TRAPPC10: variants seen among roughly 807,000 people sequenced by gnomAD.
TRAPPC10 encodes the protein trafficking protein particle complex subunit 10, also known as TRAPP 130 kDa subunit.
In TRAPPC10, 23 loss-of-function variants were observed where a neutral mutation model predicts 125.5. The observed-to-expected ratio is 0.18, with a 90% CI of 0.13 to 0.26. TRAPPC10 has a LOEUF of 0.26. Ranked by LOEUF, TRAPPC10 falls within the 10% of genes least tolerant of loss-of-function variation. The pLI is 1.00. For synonymous variants in TRAPPC10, 509 were observed against 518.0 expected (o/e 0.98, Z 0.24); for missense variants, 1,123 against 1,308.4 (o/e 0.86, Z 2.19).
At chr21:44,075,807 T>A (rs1459096480) in intron 9 of TRAPPC10, among the ~76,000 whole-genome samples, 2 of 152,182 alleles carry the variant, frequency 1.3e-5, no homozygotes, top group Non-Finnish European at 2.9e-5. Flanking sequence ...CCCAGCACTT[T>A]GGGAGGCCGA....
At chr21:44,095,680 C>T (rs1241925755) in intron 20 of TRAPPC10, among the ~76,000 whole-genome samples, 5 of 152,092 alleles carry the variant, frequency 3.3e-5, no homozygotes, top group Admixed American at 1.3e-4. Context: ...TTATCTGCCT[C>T]AGTCTCCGGA....
intron 10 of TRAPPC10, among the ~76,000 whole-genome samples, chr21:44,077,188 A>G (rs2037352339): frequency 6.6e-6 from 1 of 152,172 alleles, no homozygotes; most frequent in Non-Finnish European, 1.5e-5. Flanking sequence ...GGTTTCTTTT[A>G]TTATTATGCT....
rs1248145410 is a variant in TRAPPC10, at chr21:44,093,982, GGCGTGT to G, written c.2998-79_2998-74del. 2.1e-6 allele frequency: 3 copies of G among 1,439,604 alleles called. No homozygotes were observed. The Admixed American group carries it at 5.9e-5, about 28-fold the overall frequency. 89.2% of individuals were successfully genotyped at this position (1,439,604 alleles called of 1,614,324 possible). The stretch of plus-strand genomic sequence containing the variant: ...GGTGTCTGCTCAGCACCCTTCGCAT[GGCGTGT>G]GTTTCGCTGCAGTGTCTGTGTCCTC... On this transcript the variant is annotated intron_variant, in intron 19 of 22. Transcript: ENST00000291574.
rs748119155 is a variant in TRAPPC10, at chr21:44,087,661, G to A, written c.2540-38G>A. ...TAAGGAAAAGGACAAGTGAAACCGAGGGAACAGCTTTGAAGTGACTTTTTC... is the reference window on the plus strand; with the variant it reads ...TAAGGAAAAGGACAAGTGAAACCGAAGGAACAGCTTTGAAGTGACTTTTTC... On this transcript the variant is annotated intron_variant, in intron 16 of 22. Coordinates refer to ENST00000291574, the MANE Select transcript of TRAPPC10 (RefSeq NM_003274.5). This position sits in a 1 kb window ranked among gnomAD's most constrained non-coding sequence, Gnocchi z 4.6. 1.0e-5 allele frequency: 16 copies of A among 1,580,136 alleles called. No homozygotes were observed. The South Asian group carries it at 1.3e-4, about 13-fold the overall frequency.
chr21:44,058,268 A>G (rs2035758742), intron 5 of TRAPPC10, among the ~76,000 whole-genome samples: 1 of 152,104 alleles, frequency 6.6e-6, no homozygotes, highest in South Asian at 2.1e-4. Flanking sequence ...GTATAGAGGA[A>G]GAGGAGGTGT....
Position 44,052,468 on chromosome 21 carries a change from G to A in TRAPPC10, c.474G>A (p.Gln158=). ...DKIRNDFCNK[Q]SDRCVVLSDP... ...TAAGAAATGATTTTTGTAATAAACA[G>A]AGTGACAGGTAAGTGTATCTTTAAT... The change falls in exon 4 of 23, where the codon CAG becomes CAA. Residue 158 remains glutamine (Q), a synonymous_variant. Transcript: ENST00000291574. 6.2e-7 allele frequency: 1 copy of A among 1,602,414 alleles called. No homozygotes were observed. Among genetic ancestry groups the A allele is most frequent in the South Asian group, 1.1e-5 (1 of 88,456 alleles).
At chr21:44,049,176 C>T (rs1601658636) in intron 3 of TRAPPC10, among the ~76,000 whole-genome samples, 1 of 152,210 alleles carries the variant, frequency 6.6e-6, no homozygotes, top group East Asian at 1.9e-4. Context: ...TACACCCACA[C>T]GTGTACGTGC....
chr21:44,059,639 C>G lies in TRAPPC10; in HGVS notation c.790+425C>G. On this transcript the variant is annotated intron_variant, in intron 6 of 22. Transcript: ENST00000291574. This position sits in a 1 kb window ranked among gnomAD's most constrained non-coding sequence, Gnocchi z 4.4. ...CCCTTGGGTGTTCATCTTTCTTTTG[C>G]ACTTTTAAATAATATCTTAAGCTCC... is the stretch of plus-strand genomic sequence containing the variant. 1 of 607,260 alleles carries G rather than the reference C, an allele frequency of 1.6e-6. No individual in the cohort carries two copies. Among genetic ancestry groups the G allele is most frequent in the South Asian group, 2.1e-5 (1 of 47,322 alleles). 37.6% of individuals were successfully genotyped at this position (607,260 alleles called of 1,614,324 possible). A position where few individuals can be genotyped will look rare whatever the true frequency, so the allele number is the denominator to read the frequency against.
intron 4 of TRAPPC10, among the ~76,000 whole-genome samples, chr21:44,054,289 T>A (rs939175060): frequency 1.3e-5 from 2 of 152,192 alleles, no homozygotes; most frequent in Non-Finnish European, 2.9e-5. Flanking sequence ...CACCAAGTTA[T>A]AAGTTTTCTT....
intron 5 of TRAPPC10, among the ~76,000 whole-genome samples, chr21:44,058,887 C>T (rs888939006): frequency 2.0e-5 from 3 of 152,136 alleles, no homozygotes; most frequent in Non-Finnish European, 2.9e-5. Context: ...GCCGATAGGT[C>T]GGGGAGGGTT....
chr21:44,029,754 C>T (rs2033412024), intron 1 of TRAPPC10, among the ~76,000 whole-genome samples: 1 of 152,214 alleles, frequency 6.6e-6, no homozygotes, highest in South Asian at 2.1e-4. Flanking sequence ...GTCTGTGTGA[C>T]CAAATCTTCT....
Position 44,079,682 on chromosome 21 carries a change from A to G in TRAPPC10, c.1588A>G (p.Lys530Glu). 1 of 1,607,586 alleles carries G rather than the reference A, an allele frequency of 6.2e-7. No homozygotes were observed. Residue 530 changes from lysine (K) to glutamate (E), a missense_variant, in exon 12 of 23, where the codon AAG becomes GAG. Lys to Glu is a moderately conservative substitution (Grantham distance 56). Around this residue, in one of 4 missense-constraint regions of TRAPPC10, gnomAD observed 840 missense variants for 902.0 expected, o/e 0.93. Coordinates refer to ENST00000291574, the MANE Select transcript of TRAPPC10 (RefSeq NM_003274.5). Reference sequence around the variant, plus strand: ...AAGGAAGCAGCTGGCCGAATGTCAAAAGCACCTTGGACAAATTGAAAAGTA... The same window carrying G: ...AAGGAAGCAGCTGGCCGAATGTCAAGAGCACCTTGGACAAATTGAAAAGTA... ...HTRKQLAECQ[K>E]HLGQIENYLQ... is the part of the protein sequence containing the mutation.
At chr21:44,067,679 G>A (rs1356619157) in intron 7 of TRAPPC10, among the ~76,000 whole-genome samples, 1 of 152,168 alleles carries the variant, frequency 6.6e-6, no homozygotes, top group Non-Finnish European at 1.5e-5. Flanking sequence ...TGTCCAAGTA[G>A]TGACGAAGTG....
intron 3 of TRAPPC10, among the ~76,000 whole-genome samples, chr21:44,043,095 C>G (rs1051472337): frequency 2.0e-5 from 3 of 151,872 alleles, no homozygotes; most frequent in African/African-American, 7.3e-5. Context: ...TCTCCACTTA[C>G]TGGGAATGTC....
chr21:44,031,933 G>A (rs1225633382), intron 1 of TRAPPC10, among the ~76,000 whole-genome samples, 158 bp from the exon 2 acceptor site: 1 of 152,176 alleles, frequency 6.6e-6, no homozygotes, highest in Non-Finnish European at 1.5e-5. Flanking sequence ...GGGTTTTCCT[G>A]AGACGTGTTA....
intron 7 of TRAPPC10, among the ~76,000 whole-genome samples, chr21:44,070,654 A>G (rs533181196): frequency 1.3e-5 from 2 of 152,248 alleles, no homozygotes; most frequent in African/African-American, 4.8e-5. Context: ...TGTTTGGACG[A>G]CTCAAAGCCA....
At chr21:44,079,770 A>G (rs2037549038) in intron 12 of TRAPPC10, 66 bp downstream of exon 12, 4 of 1,521,832 alleles carry the variant, frequency 2.6e-6, no homozygotes, top group Non-Finnish European at 1.8e-6. Flanking sequence ...ATTGCCCACA[A>G]TCAATGTTTC....
chr21:44,086,053 C>G (rs1014483073), intron 15 of TRAPPC10, among the ~76,000 whole-genome samples: 4 of 152,232 alleles, frequency 2.6e-5, no homozygotes, highest in African/African-American at 9.6e-5. Flanking sequence ...GTCAGTCTCT[C>G]CAGTGATTCT....
rs548421815 is a variant in TRAPPC10, at chr21:44,055,577, C to CAAAA, written c.483-108_483-105dup. 2.4e-4 allele frequency: 141 copies of CAAAA among 592,322 alleles called. 1 individual carries two copies. In the South Asian group the frequency reaches 4.1e-3, roughly 17 times the overall value. The allele number at this position is 592,322 out of a possible 1,614,324, so 36.7% of individuals were successfully genotyped here. Reference sequence around the variant, plus strand: ...TGGGCCACAGAGCAAAACTCTGTCTCAAAAAAAAAAAAAAAAGGAGGAGGA... The same window carrying CAAAA: ...TGGGCCACAGAGCAAAACTCTGTCTCAAAAAAAAAAAAAAAAAAAAGGAGGAGGA... On this transcript the variant is annotated intron_variant, in intron 4 of 22. Coordinates refer to ENST00000291574, the MANE Select transcript of TRAPPC10 (RefSeq NM_003274.5).
Sources: gnomAD v4.1 joint callset for allele counts (sites outside exome capture counted in the v4.1 genomes callset) on GRCh38, gnomAD v4.1.1 for gene constraint, gnomAD v4.1.1 regional missense constraint, Gnocchi (gnomAD v3.1) non-coding constraint, MANE v1.5 for transcripts, NCBI Gene and HGNC (gene_info 2026-07-23, HGNC 2026-07-21) for gene names.